Variants in GRIK2 observed in about 807,000 individuals in gnomAD.
GRIK2 encodes glutamate ionotropic receptor kainate type subunit 2, also known as glutamate receptor ionotropic, kainate 2.
In GRIK2, 32 loss-of-function variants were observed where a neutral mutation model predicts 100.3. That is an observed-to-expected ratio of 0.32 (90% confidence interval 0.24 to 0.43). The LOEUF (loss-of-function observed/expected upper bound fraction) is 0.43, where lower values mean the gene tolerates loss of function less well. Among genes scored for constraint, GRIK2 ranks in the 20% least tolerant of loss-of-function variants. GRIK2 has a pLI of 1.00. For synonymous variants in GRIK2, 417 were observed against 389.4 expected (o/e 1.07, Z -0.83); for missense variants, 843 against 1,114.9 (o/e 0.76, Z 3.47).
intron 4 of GRIK2, among the ~76,000 whole-genome samples, chr6:101,662,071 T>G (rs1769664266): frequency 6.6e-6 from 1 of 152,234 alleles, no homozygotes; most frequent in South Asian, 2.1e-4. Flanking sequence ...GGCAGTAATG[T>G]TCATACATTA....
chr6:101,542,973 T>C (rs1582679011), intron 2 of GRIK2, among the ~76,000 whole-genome samples: 1 of 152,124 alleles, frequency 6.6e-6, no homozygotes, highest in South Asian at 2.1e-4. Flanking sequence ...TCTTAATGGA[T>C]AATGACATAT....
In GRIK2 at chr6:101,421,022, A is replaced by G. The variant is rs371137725; in HGVS notation, c.115+21630A>G. ...TCAGGACACAGCACTGTCAAACCCTATATCTTGGACTCCTTTTCTTCCCCT... is the reference window on the plus strand; with the variant it reads ...TCAGGACACAGCACTGTCAAACCCTGTATCTTGGACTCCTTTTCTTCCCCT... On this transcript the variant is annotated intron_variant, in intron 2 of 16. Coordinates refer to ENST00000369134, the MANE Select transcript of GRIK2 (RefSeq NM_021956.5). Among the ~76,000 whole-genome samples the G allele has an allele frequency of 3.9e-5, 6 of 152,268 alleles. No homozygotes were observed. In the East Asian group the frequency reaches 5.8e-4, roughly 15 times the overall value.
intron 7 of GRIK2, among the ~76,000 whole-genome samples, chr6:101,695,462 C>T (rs905635230): frequency 3.9e-5 from 6 of 152,068 alleles, no homozygotes; most frequent in Admixed American, 6.6e-5. Flanking sequence ...AACCATAGCA[C>T]GCACTTTTGT....
At chr6:101,742,053 T>A (rs1379927359) in intron 7 of GRIK2, among the ~76,000 whole-genome samples, 2 of 152,242 alleles carry the variant, frequency 1.3e-5, no homozygotes, top group East Asian at 3.8e-4. Context: ...ACAGCCTCTC[T>A]TTAGACTTCT....
At chr6:101,907,658 G>T (rs779071749) in intron 12 of GRIK2, among the ~76,000 whole-genome samples, 1 of 151,424 alleles carries the variant, frequency 6.6e-6, no homozygotes, top group Non-Finnish European at 1.5e-5. Context: ...TGGGTTTTGC[G>T]GTTTTTAAGA....
intron 16 of GRIK2, chr6:102,065,810 A>T (rs1771989764): frequency 6.6e-7 from 1 of 1,521,852 alleles, no homozygotes; most frequent in Non-Finnish European, 8.9e-7. Flanking sequence ...GCCAAGACTA[A>T]GTTACCTCAA....
intron 2 of GRIK2, among the ~76,000 whole-genome samples, chr6:101,500,994 T>G (rs1773720282): frequency 6.6e-6 from 1 of 152,128 alleles, no homozygotes; most frequent in Non-Finnish European, 1.5e-5. Context: ...TTTCTTCAAA[T>G]TGTTCTTTTC....
intron 12 of GRIK2, 23 bp from the exon 13 acceptor site, chr6:101,924,578 C>CT (rs762188093): frequency 2.1e-5 from 25 of 1,218,136 alleles, no homozygotes; most frequent in African/African-American, 1.2e-4. Flanking sequence ...TAAATGTATT[C>CT]TTTTTTCTGT....
At chr6:101,460,249 T>C (rs751170066) in intron 2 of GRIK2, among the ~76,000 whole-genome samples, 2 of 152,212 alleles carry the variant, frequency 1.3e-5, no homozygotes, top group Non-Finnish European at 2.9e-5. Flanking sequence ...CAGTGTGTCA[T>C]TGTATTTTCT....
intron 2 of GRIK2, among the ~76,000 whole-genome samples, chr6:101,565,247 A>G (rs1777199660): frequency 6.6e-6 from 1 of 152,146 alleles, no homozygotes; most frequent in African/African-American, 2.4e-5. Context: ...TCGAACAACA[A>G]GGGATTAGTT....
At chr6:101,404,251 A>C (rs549186989) in intron 2 of GRIK2, among the ~76,000 whole-genome samples, 3 of 152,372 alleles carry the variant, frequency 2.0e-5, no homozygotes, top group Non-Finnish European at 2.9e-5. Flanking sequence ...CGGGAAAGTT[A>C]ATGTGAATTC....
chr6:102,044,313 T>TACTA (rs1562134730), intron 15 of GRIK2, among the ~76,000 whole-genome samples: 3 of 152,008 alleles, frequency 2.0e-5, no homozygotes, highest in African/African-American at 2.4e-5. Context: ...TCAGATAAAA[T>TACTA]ACTAACTCCT....
intron 15 of GRIK2, among the ~76,000 whole-genome samples, chr6:102,044,125 A>C (rs1185329082): frequency 1.3e-5 from 2 of 152,058 alleles, no homozygotes; most frequent in East Asian, 3.9e-4. Context: ...AGCAAAAATG[A>C]TAAGGATACA....
intron 7 of GRIK2, among the ~76,000 whole-genome samples, chr6:101,794,539 C>A (rs550017475): frequency 6.6e-6 from 1 of 151,860 alleles, no homozygotes; most frequent in African/African-American, 2.4e-5. Flanking sequence ...TTTATCATTG[C>A]GGTTTAGTGG....
intron 7 of GRIK2, among the ~76,000 whole-genome samples, chr6:101,748,064 T>A (rs1207077422): frequency 1.3e-5 from 2 of 152,176 alleles, no homozygotes; most frequent in Non-Finnish European, 2.9e-5. Context: ...ATAAGCAAAA[T>A]TATGTTACTG....
chr6:101,802,484 C>A, intron 9 of GRIK2, 46 bp downstream of exon 9: 1 of 757,966 alleles, frequency 1.3e-6, no homozygotes, highest in Non-Finnish European at 2.2e-6. Flanking sequence ...TGAAACATAT[C>A]TCAAAGAAGA....
intron 15 of GRIK2, among the ~76,000 whole-genome samples, chr6:102,052,399 C>A (rs1350731311): frequency 6.6e-6 from 1 of 152,102 alleles, no homozygotes; most frequent in Non-Finnish European, 1.5e-5. Flanking sequence ...TTTAAACATT[C>A]CTATGTTCAT....
intron 2 of GRIK2, among the ~76,000 whole-genome samples, chr6:101,604,546 A>G (rs1010878803): frequency 1.3e-5 from 2 of 151,890 alleles, no homozygotes; most frequent in Non-Finnish European, 2.9e-5. Flanking sequence ...ACAGCCTTTG[A>G]GAAGAATAGC....
chr6:101,450,965 A>G (rs1189108786), intron 2 of GRIK2, among the ~76,000 whole-genome samples: 1 of 151,672 alleles, frequency 6.6e-6, no homozygotes, highest in East Asian at 1.9e-4. Context: ...TCTATTTGAT[A>G]AACTTTAACA....
Sources: gnomAD v4.1 joint callset for allele counts (sites outside exome capture counted in the v4.1 genomes callset) on GRCh38, gnomAD v4.1.1 for gene constraint, MANE v1.5 for transcripts, NCBI Gene and HGNC (gene_info 2026-07-23, HGNC 2026-07-21) for gene names.